Variants in MYRFL observed in about 807,000 individuals in gnomAD.
MYRFL encodes the protein myelin regulatory factor like, also known as myelin regulatory factor-like protein.
MYRFL carries 88 observed loss-of-function variants against 109.4 expected under a neutral mutation model. The observed-to-expected ratio is 0.80, with a 90% CI of 0.68 to 0.96. MYRFL has a LOEUF of 0.96. MYRFL is among the 40% of genes least tolerant of loss of function. The pLI is 0.00. For synonymous variants in MYRFL, 324 were observed against 320.9 expected (o/e 1.01, Z -0.10); for missense variants, 957 against 954.9 (o/e 1.00, Z -0.03).
At chr12:69,932,206 G>A (rs778437612) in intron 15 of MYRFL, among the ~76,000 whole-genome samples, 3 of 152,268 alleles carry the variant, frequency 2.0e-5, no homozygotes, top group Admixed American at 6.5e-5. Context: ...TCAGGTCCCC[G>A]TTTCTCATAA....
intron 2 of MYRFL, among the ~76,000 whole-genome samples, chr12:69,860,313 G>A (rs931283559): frequency 2.0e-5 from 3 of 152,148 alleles, no homozygotes; most frequent in African/African-American, 7.2e-5. Flanking sequence ...GTATTCCATG[G>A]TGTATATTAC....
chr12:69,864,135 T>A (rs1319143619), intron 2 of MYRFL, among the ~76,000 whole-genome samples: 1 of 152,222 alleles, frequency 6.6e-6, no homozygotes, highest in African/African-American at 2.4e-5. Context: ...AGCCTTTTTT[T>A]ATATTGTACT....
intron 2 of MYRFL, among the ~76,000 whole-genome samples, chr12:69,875,194 T>G (rs1194634823): frequency 1.3e-5 from 2 of 151,352 alleles, no homozygotes; most frequent in Non-Finnish European, 2.9e-5. Context: ...TTTTTTAAAG[T>G]TCATTTTTTT....
At chr12:69,851,887 C>G in intron 1 of MYRFL, among the ~76,000 whole-genome samples, 1 of 152,304 alleles carries the variant, frequency 6.6e-6, no homozygotes, top group East Asian at 1.9e-4. Context: ...GTCTCCAACT[C>G]CTGAGTTCAA....
chr12:69,869,764 C>T (rs1885230228), intron 2 of MYRFL, among the ~76,000 whole-genome samples: 1 of 152,134 alleles, frequency 6.6e-6, no homozygotes, highest in South Asian at 2.1e-4. Context: ...CACATGAAGA[C>T]ACACTGTGTA....
intron 2 of MYRFL, among the ~76,000 whole-genome samples, chr12:69,872,667 AT>A (rs1195773781): frequency 3.3e-5 from 5 of 151,556 alleles, no homozygotes; most frequent in Admixed American, 6.6e-5. Context: ...TGCCCGGCTA[AT>A]TTTTGTATTT....
At chr12:69,888,549 C>T (rs1204971058) in intron 6 of MYRFL, among the ~76,000 whole-genome samples, 3 of 152,166 alleles carry the variant, frequency 2.0e-5, no homozygotes, top group African/African-American at 4.8e-5. Context: ...GAAGCAGAAT[C>T]GCCATTCTTA....
At chr12:69,898,793 AT>A (rs1213401528) in intron 10 of MYRFL, among the ~76,000 whole-genome samples, 2 of 152,162 alleles carry the variant, frequency 1.3e-5, no homozygotes, top group Non-Finnish European at 2.9e-5. Flanking sequence ...AGGTTTCTCC[AT>A]TTGCTGCTGA....
chr12:69,827,508 A>G (rs1006127627), intron 1 of MYRFL, among the ~76,000 whole-genome samples: 3 of 152,044 alleles, frequency 2.0e-5, no homozygotes, highest in Admixed American at 2.0e-4. Flanking sequence ...AGGCGCAATC[A>G]GGCACTCTAG....
chr12:69,925,674 G>A (rs12315126), intron 13 of MYRFL, among the ~76,000 whole-genome samples: 8,418 of 152,234 alleles, frequency 0.055, 758 homozygotes, highest in African/African-American at 0.19. Flanking sequence ...CAACTGAAGT[G>A]TGTGGGTGGG....
At chr12:69,945,952 C>G (rs1229513316) in intron 19 of MYRFL, among the ~76,000 whole-genome samples, 1 of 129,320 alleles carries the variant, frequency 7.7e-6, no homozygotes, top group African/African-American at 2.9e-5. Flanking sequence ...CCGCCACTGC[C>G]CTCCAGCCTG....
chr12:69,855,509 G>A, intron 2 of MYRFL, 139 bp downstream of exon 2: 1 of 548,038 alleles, frequency 1.8e-6, no homozygotes, highest in Non-Finnish European at 3.3e-6. Flanking sequence ...ATGGATCTTT[G>A]ACAAATATCA....
chr12:69,949,640 T>G (rs1955925175), intron 19 of MYRFL, among the ~76,000 whole-genome samples: 2 of 74,266 alleles, frequency 2.7e-5, no homozygotes, highest in South Asian at 3.8e-4. Context: ...CATTATGAGA[T>G]TTTTTTTTTG....
chr12:69,942,052 C>T (rs1429399003), intron 19 of MYRFL, among the ~76,000 whole-genome samples: 2 of 147,768 alleles, frequency 1.4e-5, no homozygotes, highest in Non-Finnish European at 3.0e-5. Flanking sequence ...AATAGCTTAC[C>T]AACCAAAAAG....
intron 1 of MYRFL, among the ~76,000 whole-genome samples, chr12:69,845,229 T>A (rs1466797330): frequency 6.6e-6 from 1 of 152,214 alleles, no homozygotes; most frequent in Admixed American, 6.5e-5. Flanking sequence ...CAATGTCACC[T>A]CCTTTCCCTC....
At chr12:69,853,501 C>A (rs1416749863) in intron 1 of MYRFL, among the ~76,000 whole-genome samples, 2 of 151,346 alleles carry the variant, frequency 1.3e-5, no homozygotes, top group East Asian at 3.9e-4. Flanking sequence ...CAGAGGCGCG[C>A]CTCACATCCC....
At chr12:69,901,926 C>T (rs1954206536) in intron 10 of MYRFL, among the ~76,000 whole-genome samples, 1 of 133,810 alleles carries the variant, frequency 7.5e-6, no homozygotes, top group Admixed American at 7.9e-5. Flanking sequence ...CAGAGTATTG[C>T]TCTGTCCCCT....
At chr12:69,937,206 G>A (rs1208512913) in intron 19 of MYRFL, among the ~76,000 whole-genome samples, 1 of 151,928 alleles carries the variant, frequency 6.6e-6, no homozygotes, top group Non-Finnish European at 1.5e-5. Flanking sequence ...ACTTAATCAA[G>A]GGCTGCAAGT....
chr12:69,925,909 A>G (rs951898486), intron 13 of MYRFL, among the ~76,000 whole-genome samples: 5 of 152,210 alleles, frequency 3.3e-5, no homozygotes, highest in African/African-American at 1.2e-4. Flanking sequence ...GGAAGCACAG[A>G]GAGGTTATTG....
Sources: allele counts gnomAD v4.1 joint callset (sites outside exome capture counted in the v4.1 genomes callset), GRCh38; gene constraint gnomAD v4.1.1; transcripts MANE v1.5; gene names NCBI Gene and HGNC (gene_info 2026-07-23, HGNC 2026-07-21).